ANKRD24: variants seen among roughly 807,000 people sequenced by gnomAD.
ANKRD24 encodes the protein ankyrin repeat domain 24.
A neutral mutation model predicts 127.8 loss-of-function variants in ANKRD24; 109 were observed. The ratio of observed to expected loss-of-function variants is 0.85; its 90% CI spans 0.73 to 1.00. The LOEUF is 1.00. ANKRD24 is among the 50% of genes least tolerant of loss of function. The pLI is 0.00. For synonymous variants in ANKRD24, 743 were observed against 671.1 expected (o/e 1.11, Z -1.66); for missense variants, 1,648 against 1,570.2 (o/e 1.05, Z -0.84).
chr19:4,201,140 A>C (rs1212047661), intron 5 of ANKRD24, among the ~76,000 whole-genome samples: 1 of 152,048 alleles, frequency 6.6e-6, no homozygotes, highest in Admixed American at 6.6e-5. Context: ...GGTTACGAGG[A>C]GAACTTGTAT....
At position 4,216,043 on chromosome 19, in the gene ANKRD24, C is replaced by T. The variant is rs1970046152; in HGVS notation, c.1263C>T (p.Asp421=). The T allele has an allele frequency of 3.8e-6, 6 of 1,597,214 alleles. No homozygotes were observed. In the African/African-American group the frequency reaches 4.0e-5, roughly 11 times the overall value. The change falls in exon 16 of 22, where the codon GAC becomes GAT. Residue 421 remains aspartate, a synonymous_variant. Coordinates refer to ENST00000318934, the MANE Select transcript of ANKRD24 (RefSeq NM_001393985.1). ...TLQDEEGELP[D]LPGAEVLLSR... ...AGGATGAGGAGGGTGAGCTGCCTGACCTTCCAGGTGAGCCCCCACCTCCCC... is the reference window on the plus strand; with the variant it reads ...AGGATGAGGAGGGTGAGCTGCCTGATCTTCCAGGTGAGCCCCCACCTCCCC...
chr19:4,202,565 C>T (rs1267203105), intron 6 of ANKRD24, among the ~76,000 whole-genome samples: 1 of 151,830 alleles, frequency 6.6e-6, no homozygotes, highest in Non-Finnish European at 1.5e-5. Context: ...AGCGAAACAC[C>T]ATCTAAAATA....
intron 15 of ANKRD24, among the ~76,000 whole-genome samples, chr19:4,215,047 G>A (rs1228590630): frequency 6.6e-6 from 1 of 152,164 alleles, no homozygotes; most frequent in Non-Finnish European, 1.5e-5. Flanking sequence ...AGCCTGCCCC[G>A]AGTCCCCTCA....
rs1018769026 is a variant in ANKRD24 at position 4,212,662 on chromosome 19, G to A, written c.1161G>A (p.Glu387=). 1.9e-6 allele frequency: 3 copies of A among 1,551,264 alleles called. No individual in the cohort carries two copies. The highest frequency in any genetic ancestry group is 2.6e-6 in the Non-Finnish European group (3 of 1,147,034). ...AGGAGAAGGAGAGCCTGGGACGGGA[G>A]GTGGAGAGTTTGCAGAGCCGGCTGT... The part of the protein sequence containing the change: ...RQEEKESLGR[E]VESLQSRLSL... Residue 387 remains glutamate (E), a synonymous_variant, in exon 15 of 22, where the codon GAG becomes GAA. Coordinates refer to ENST00000318934, the MANE Select transcript of ANKRD24 (RefSeq NM_001393985.1).
In ANKRD24 at chr19:4,217,112, A is replaced by G. The variant is rs1970138280; in HGVS notation, c.1952A>G (p.Glu651Gly). Residue 651 changes from glutamate to glycine, a missense_variant, in exon 18 of 22, where the codon GAA (glutamate) becomes GGA (glycine). Transcript: ENST00000318934. ...EATKTKAEEA[E>G]MQAYGVGAGQ... ...ACAAAAACAAAAGCAGAGGAAGCAGAAATGCAGGCCTACGGAGTGGGTGCT... is the reference window on the plus strand; with the variant it reads ...ACAAAAACAAAAGCAGAGGAAGCAGGAATGCAGGCCTACGGAGTGGGTGCT... The G allele has an allele frequency of 6.2e-7, 1 of 1,613,572 alleles. No individual in the cohort carries two copies. The highest frequency in any genetic ancestry group is 1.1e-5 in the South Asian group (1 of 91,070).
Position 4,217,756 on chromosome 19 carries a change from C to A in ANKRD24, c.2596C>A (p.Gln866Lys). 7.7e-7 allele frequency: 1 copy of A among 1,299,442 alleles called. No individual in the cohort carries two copies. Among genetic ancestry groups the A allele is most frequent in the Non-Finnish European group, 9.7e-7 (1 of 1,027,664 alleles). 80.5% of individuals were successfully genotyped at this position (1,299,442 alleles called of 1,614,324 possible). ...GGCCACGGCCAGGGCCACGGGGGAGCAGCAGCGCACGGCGGCCGCGGAACT... is the reference window on the plus strand; with the variant it reads ...GGCCACGGCCAGGGCCACGGGGGAGAAGCAGCGCACGGCGGCCGCGGAACT... ...QLATARATGE[Q>K]QRTAAAELGR... The change falls in exon 18 of 22, where the codon CAG becomes AAG. Residue 866 changes from glutamine (Q) to lysine (K), a missense_variant. Coordinates refer to ENST00000318934, the MANE Select transcript of ANKRD24 (RefSeq NM_001393985.1).
rs1028012406 is a variant in ANKRD24, at chr19:4,195,889, G to A, written c.37-3794G>A. 7.9e-5 allele frequency among the ~76,000 whole-genome samples: 12 copies of A among 152,086 alleles called. No individual in the cohort carries two copies. Among genetic ancestry groups the A allele is most frequent in the East Asian group, 1.9e-4 (1 of 5,186 alleles). On this transcript the variant is annotated intron_variant, in intron 2 of 21. Coordinates refer to ENST00000318934, the MANE Select transcript of ANKRD24 (RefSeq NM_001393985.1). This position sits in a 1 kb window ranked among gnomAD's most constrained non-coding sequence, Gnocchi z 4.2. Reference sequence around the variant, plus strand: ...AGCCTGGGTGGAAGAGCAAGACTCCGTCTCAAAAGAAAAAAAGTAAAAGTC... The same window carrying A: ...AGCCTGGGTGGAAGAGCAAGACTCCATCTCAAAAGAAAAAAAGTAAAAGTC...
chr19:4,205,823 G>C (rs1969347444), intron 7 of ANKRD24, among the ~76,000 whole-genome samples: 1 of 151,958 alleles, frequency 6.6e-6, no homozygotes, highest in Non-Finnish European at 1.5e-5. Context: ...ACTCCAGCGT[G>C]GGTGCAGAGG....
intron 2 of ANKRD24, among the ~76,000 whole-genome samples, chr19:4,194,349 C>T (rs1270794012): frequency 2.0e-5 from 3 of 152,092 alleles, no homozygotes; most frequent in Non-Finnish European, 2.9e-5. Flanking sequence ...GACGGGGTTT[C>T]ACCATGTTGG....
Position 4,217,394 on chromosome 19 carries a change from C to T in ANKRD24, c.2234C>T (p.Ala745Val), listed in dbSNP as rs1292954221. 9.7e-6 allele frequency: 15 copies of T among 1,550,132 alleles called. No individual in the cohort carries two copies. Among genetic ancestry groups the T allele is most frequent in the Admixed American group, 2.0e-5 (1 of 50,924 alleles). Residue 745 changes from alanine (A) to valine (V), a missense_variant, in exon 18 of 22, where the codon GCG becomes GTG. Transcript: ENST00000318934. ...CGGCAGCGGGAGCGGGAGGCAGCTGCGGAGCTGGAGGCGGCCCTGGGGAAG... is the reference window on the plus strand; with the variant it reads ...CGGCAGCGGGAGCGGGAGGCAGCTGTGGAGCTGGAGGCGGCCCTGGGGAAG... ...ALRQREREAAAELEAALGKCE... is the reference protein window; with the variant it reads ...ALRQREREAAVELEAALGKCE...
Position 4,195,060 on chromosome 19 carries a change from T to TTTTGTGTTTG in ANKRD24, c.37-4618_37-4617insGTTTGTTTGT, listed in dbSNP as rs1555712531. Among the ~76,000 whole-genome samples, 2 of 148,416 alleles carry TTTTGTGTTTG rather than the reference T, an allele frequency of 1.3e-5. No individual in the cohort carries two copies. The highest frequency in any genetic ancestry group is 3.0e-5 in the Non-Finnish European group (2 of 66,914). On this transcript the variant is annotated intron_variant, in intron 2 of 21. Coordinates refer to ENST00000318934, the MANE Select transcript of ANKRD24 (RefSeq NM_001393985.1). The surrounding 1 kb of genome is among the most constrained non-coding windows in gnomAD (Gnocchi z 4.2). ...TCGGCGTGAGCCACCGCGCCCAGGT[T>TTTTGTGTTTG]TTTGTTTGTTTGTTTGTTTGTTTGT...
intron 2 of ANKRD24, among the ~76,000 whole-genome samples, chr19:4,194,089 CAACGATCTACA>C (rs1241011012): frequency 6.6e-6 from 1 of 152,228 alleles, no homozygotes; most frequent in East Asian, 1.9e-4. Flanking sequence ...ATGTGGCATC[CAACGATCTACA>C]AATGAATGGG....
chr19:4,206,769 G>A (rs908769029), intron 7 of ANKRD24, among the ~76,000 whole-genome samples: 5 of 152,164 alleles, frequency 3.3e-5, no homozygotes. Context: ...TGCAAAACTT[G>A]CCTTTGTTAC....
chr19:4,209,964 C>A, intron 11 of ANKRD24, 94 bp from the exon 12 acceptor site: 1 of 706,756 alleles, frequency 1.4e-6, no homozygotes, highest in South Asian at 1.7e-5. Flanking sequence ...GGAAGTCAGG[C>A]CATGGCTGGG....
In ANKRD24 at chr19:4,216,547, C is replaced by T; in HGVS notation, c.1390-3C>T. On this transcript the variant is annotated splice_polypyrimidine_tract_variant and splice_region_variant and intron_variant, in intron 17 of 21. Coordinates refer to ENST00000318934, the MANE Select transcript of ANKRD24 (RefSeq NM_001393985.1). ...GACTCCTGCCCCCCACTCCACTCCC[C>T]AGATCCTGGAGAACTTTGAGAAGGA... The T allele has an allele frequency of 6.2e-7, 1 of 1,603,576 alleles. No homozygotes were observed. Among genetic ancestry groups the T allele is most frequent in the East Asian group, 2.2e-5 (1 of 44,536 alleles).
Position 4,199,956 on chromosome 19 carries a change from G to A in ANKRD24, c.205G>A (p.Ala69Thr), listed in dbSNP as rs537651280. 12 of 1,564,072 alleles carry A rather than the reference G, an allele frequency of 7.7e-6. No individual in the cohort carries two copies. The highest frequency in any genetic ancestry group is 2.4e-5 in the East Asian group (1 of 41,726). Residue 69 changes from alanine (A) to threonine (T), a missense_variant, in exon 4 of 22, where the codon GCC becomes ACC. Ala to Thr is a moderately conservative substitution (Grantham distance 58). Transcript: ENST00000318934. This position sits in a 1 kb window ranked among gnomAD's most constrained non-coding sequence, Gnocchi z 5.2. ...TGCACCTCGGGTGGCCGCCCTCATC[G>A]CCCGCAAGGGGCTGGTGCCCACGAA... is the stretch of plus-strand genomic sequence containing the variant. Reference protein sequence around the residue: ...NDAPRVAALIARKGLVPTKLD... With the variant: ...NDAPRVAALITRKGLVPTKLD...
intron 2 of ANKRD24, among the ~76,000 whole-genome samples, chr19:4,194,427 G>A (rs1968581222): frequency 6.6e-6 from 1 of 152,230 alleles, no homozygotes; most frequent in Middle Eastern, 3.4e-3. Context: ...TGCTGAGATT[G>A]TAGGCGTGAA....
At chr19:4,222,237 A>G (rs971183473) in intron 19 of ANKRD24, among the ~76,000 whole-genome samples, 12 of 152,148 alleles carry the variant, frequency 7.9e-5, no homozygotes, top group Non-Finnish European at 1.8e-4. Context: ...AAAAATAGAA[A>G]CATTAGCCAG....
At chr19:4,207,121 C>A in intron 7 of ANKRD24, 121 bp from the exon 8 acceptor site, 5 of 626,998 alleles carry the variant, frequency 8.0e-6, no homozygotes, top group Middle Eastern at 4.2e-4. Context: ...CAGGGTCTCA[C>A]TGTGTTGGCC....
Sources: gnomAD v4.1 joint callset for allele counts (sites outside exome capture counted in the v4.1 genomes callset) on GRCh38, gnomAD v4.1.1 for gene constraint, Gnocchi (gnomAD v3.1) non-coding constraint, MANE v1.5 for transcripts, NCBI Gene and HGNC (gene_info 2026-07-23, HGNC 2026-07-21) for gene names.